Variants in COL6A3 observed in about 807,000 individuals in gnomAD.
The protein encoded by COL6A3 is collagen type VI alpha 3 chain, also known as collagen alpha-3(VI) chain.
A neutral mutation model predicts 274.1 loss-of-function variants in COL6A3; 137 were observed. The observed-to-expected ratio is 0.50, with a 90% CI of 0.44 to 0.58. COL6A3 has a LOEUF of 0.58. Among genes scored for constraint, COL6A3 ranks in the 20% least tolerant of loss-of-function variants. The probability of loss-of-function intolerance (pLI) is 0.00; values close to 1 mark genes in which losing one functional copy is unlikely to be tolerated. For missense variants in COL6A3, 3,950 were observed against 4,124.9 expected (o/e 0.96, Z 1.16); for synonymous variants, 1,650 against 1,650.6 (o/e 1.00, Z 0.01).
At chr2:237,340,101 C>T (rs529188667) in intron 38 of COL6A3, among the ~76,000 whole-genome samples, 5 of 152,290 alleles carry the variant, frequency 3.3e-5, no homozygotes, top group African/African-American at 7.2e-5. Flanking sequence ...TCACTTCTCT[C>T]GCGACATGCC....
intron 39 of COL6A3, among the ~76,000 whole-genome samples, chr2:237,338,447 A>C (rs1700659208): frequency 1.3e-5 from 2 of 152,194 alleles, no homozygotes; most frequent in South Asian, 4.1e-4. Context: ...AAAATTGCTA[A>C]CCCACAGAAT....
rs1175460485 is a variant in COL6A3 at position 237,333,168 on chromosome 2, G to A, written c.9328+282C>T. ...CACAAATCAACTCGAGTCCCAGTAT[G>A]AGGCACAGGAGAAATGTCTAATGGA... is the stretch of plus-strand genomic sequence containing the variant. On this transcript the variant is annotated intron_variant, in intron 42 of 43. Coordinates refer to ENST00000295550, the MANE Select transcript of COL6A3 (RefSeq NM_004369.4). 1.0e-5 allele frequency: 5 copies of A among 491,522 alleles called. No homozygotes were observed. In the East Asian group the frequency reaches 1.1e-4, roughly 11 times the overall value. 30.4% of individuals were successfully genotyped at this position (491,522 alleles called of 1,614,324 possible).
At chr2:237,379,273 A>T (rs1258189795) in intron 5 of COL6A3, 38 bp from the exon 6 acceptor site, 1 of 1,613,878 alleles carries the variant, frequency 6.2e-7, no homozygotes, top group South Asian at 1.1e-5. Context: ...AGACATACAC[A>T]ACCACGGAGA....
chr2:237,345,682 T>C (rs1044474693), intron 32 of COL6A3, among the ~76,000 whole-genome samples: 1 of 152,174 alleles, frequency 6.6e-6, no homozygotes, highest in Non-Finnish European at 1.5e-5. Flanking sequence ...CAGTGTCCCA[T>C]GCCTAAACCT....
intron 40 of COL6A3, 128 bp from the exon 41 acceptor site, chr2:237,335,017 G>A (rs1340550363): frequency 7.5e-6 from 8 of 1,066,588 alleles, no homozygotes; most frequent in Non-Finnish European, 1.1e-5. Flanking sequence ...CTGAGGCGGG[G>A]AACTAATTTC....
At chr2:237,409,529 T>G (rs910304644) in intron 1 of COL6A3, among the ~76,000 whole-genome samples, 12 of 142,304 alleles carry the variant, frequency 8.4e-5, no homozygotes, top group Non-Finnish European at 1.6e-4. Context: ...TAGGTTTTTG[T>G]TTTTTTTGTT....
At position 237,407,364 on chromosome 2, in the gene COL6A3, C is replaced by T. The variant is rs527316993; in HGVS notation, c.-31+6589G>A. ...ACCTACTGGGGTCCTTTGTCACTTA[C>T]GGGGGTCCTTGTTAGATATGGAGTA... On this transcript the variant is annotated intron_variant, in intron 1 of 43. Transcript: ENST00000295550. This position sits in a 1 kb window ranked among gnomAD's most constrained non-coding sequence, Gnocchi z 4.3. Among the ~76,000 whole-genome samples, 3 of 152,282 alleles carry T rather than the reference C, an allele frequency of 2.0e-5. No homozygotes were observed. Among genetic ancestry groups the T allele is most frequent in the East Asian group, 1.9e-4 (1 of 5,182 alleles).
chr2:237,360,935 T>G (rs549455713), intron 16 of COL6A3, among the ~76,000 whole-genome samples, 186 bp downstream of exon 16: 1 of 152,268 alleles, frequency 6.6e-6, no homozygotes, highest in African/African-American at 2.4e-5. Context: ...CATGCCCACA[T>G]TTGTCATACT....
chr2:237,406,904 TC>T (rs1367983824), intron 1 of COL6A3, among the ~76,000 whole-genome samples: 3 of 148,228 alleles, frequency 2.0e-5, no homozygotes, highest in Non-Finnish European at 3.0e-5. Context: ...CTTTCTTTTT[TC>T]CCTTTTTTTT....
chr2:237,345,416 G>A (rs893135324), intron 32 of COL6A3, among the ~76,000 whole-genome samples: 3 of 152,210 alleles, frequency 2.0e-5, no homozygotes, highest in African/African-American at 7.2e-5. Context: ...TTCCCTGGGA[G>A]GTCATTTGGC....
chr2:237,344,506 G>A lies in COL6A3; in HGVS notation c.7512C>T (p.Asn2504=), dbSNP rs2646258. The change falls in exon 36 of 44, where the codon AAC becomes AAT. Residue 2504 remains asparagine, a synonymous_variant. Transcript: ENST00000295550. This position sits in a 1 kb window ranked among gnomAD's most constrained non-coding sequence, Gnocchi z 4.8. ...CAGCCACTTTCCTCATTAGGAATCC[G>A]TTCCTCACACGCTTAAATGTGTTCC... ...VARNTFKRVR[N]GFLMRKVAVF... is the part of the protein sequence containing the mutation. 168,407 of 1,614,070 alleles carry A rather than the reference G, an allele frequency of 0.1. 9,107 individuals are homozygous for A. Among genetic ancestry groups the A allele is most frequent in the Admixed American group, 0.17 (10,102 of 60,020 alleles).
Position 237,366,984 on chromosome 2 carries a change from C to T in COL6A3, c.5203G>A (p.Ala1735Thr). 1 of 1,614,258 alleles carries T rather than the reference C, an allele frequency of 6.2e-7. No homozygotes were observed. The highest frequency in any genetic ancestry group is 2.2e-5 in the East Asian group (1 of 44,886). The stretch of plus-strand genomic sequence containing the variant: ...ACCCGCTGGTCCAGGCGGCTGCCTG[C>T]CTCAGGCACAAAGTGGTTTACCCGC... ...HLRVNHFVPEAGSRLDQRVPQ... is the reference protein window; with the variant it reads ...HLRVNHFVPETGSRLDQRVPQ... The change falls in exon 11 of 44, where the codon GCA (alanine) becomes ACA (threonine). Residue 1735 changes from alanine (A) to threonine (T), a missense_variant. By Grantham distance (58) the Ala-to-Thr change is moderately conservative (BLOSUM62 0). Coordinates refer to ENST00000295550, the MANE Select transcript of COL6A3 (RefSeq NM_004369.4).
At chr2:237,348,735 C>T (rs376834568) in intron 28 of COL6A3, 72 bp from the exon 29 acceptor site, 18 of 1,384,024 alleles carry the variant, frequency 1.3e-5, no homozygotes, top group African/African-American at 7.1e-5. Context: ...TCTGCCCTGC[C>T]GCTGCCCCTG....
At chr2:237,348,009 C>T (rs546508138) in intron 30 of COL6A3, 140 bp from the exon 31 acceptor site, 28 of 766,988 alleles carry the variant, frequency 3.7e-5, no homozygotes, top group Non-Finnish European at 6.2e-5. Flanking sequence ...TTCACTTTTC[C>T]AGTGGGTTAC....
chr2:237,367,704 T>A (rs2077586605), intron 10 of COL6A3, among the ~76,000 whole-genome samples: 1 of 152,016 alleles, frequency 6.6e-6, no homozygotes, highest in African/African-American at 2.4e-5. Context: ...TTCCTGGAAG[T>A]GAAGAGATGT....
chr2:237,342,145 A>G lies in COL6A3; in HGVS notation c.7685T>C (p.Val2562Ala), dbSNP rs143631346. 8.4e-5 allele frequency: 136 copies of G among 1,614,146 alleles called. No individual in the cohort carries two copies. In the African/African-American group the frequency reaches 1.7e-3, roughly 21 times the overall value. Residue 2562 changes from valine to alanine, a missense_variant, in exon 37 of 44, where the codon GTG becomes GCG. By Grantham distance (64) the Val-to-Ala change is moderately conservative. Transcript: ENST00000295550. ...INALQINNTA[V>A]GHALVLPAGR... ...TGCAGGCAGGACAAGCGCATGCCCC[A>G]CTGCTGTGTTATTGATCTGGTTTAA...
chr2:237,350,028 C>T lies in COL6A3; in HGVS notation c.6879+119G>A. On this transcript the variant is annotated intron_variant, in intron 28 of 43. Coordinates refer to ENST00000295550, the MANE Select transcript of COL6A3 (RefSeq NM_004369.4). ...GATGAGCAAGTTTCAGTATTTCCAG[C>T]CGTATCCCCAATAATACAAGAAGCA... 7.2e-6 allele frequency: 7 copies of T among 966,520 alleles called. No homozygotes were observed. The Admixed American group carries it at 1.0e-4, about 14-fold the overall frequency. 59.9% of individuals were successfully genotyped at this position (966,520 alleles called of 1,614,324 possible).
intron 39 of COL6A3, 83 bp from the exon 40 acceptor site, chr2:237,336,615 AT>A: frequency 6.7e-7 from 1 of 1,486,034 alleles, no homozygotes; most frequent in South Asian, 1.2e-5. Context: ...GCTACATTAA[AT>A]TTGTTTTAGC....
At chr2:237,388,726 C>A (rs1260978829) in intron 3 of COL6A3, among the ~76,000 whole-genome samples, 1 of 152,244 alleles carries the variant, frequency 6.6e-6, no homozygotes, top group African/African-American at 2.4e-5. Context: ...TGGATGCCTT[C>A]AGAAACTATT....
Sources: gnomAD v4.1 joint callset for allele counts (sites outside exome capture counted in the v4.1 genomes callset) on GRCh38, gnomAD v4.1.1 for gene constraint, Gnocchi (gnomAD v3.1) non-coding constraint, MANE v1.5 for transcripts, NCBI Gene and HGNC (gene_info 2026-07-23, HGNC 2026-07-21) for gene names.